The following GPC6 variants were observed in gnomAD, a reference collection of about 807,000 sequenced individuals.
The protein encoded by GPC6 is glypican 6.
GPC6 carries 14 observed loss-of-function variants against 55.2 expected under a neutral mutation model. That is an observed-to-expected ratio of 0.25 (90% confidence interval 0.17 to 0.40). GPC6 has a LOEUF of 0.40. Among genes scored for constraint, GPC6 ranks in the 10% least tolerant of loss-of-function variants. The pLI is 1.00. For missense variants in GPC6, 641 were observed against 708.5 expected, an observed-to-expected ratio of 0.90 and a Z score of 1.08; for synonymous variants, 278 against 259.6, an observed-to-expected ratio of 1.07 and a Z score of -0.68.
At chr13:94,132,554 T>C (rs1463380573) in intron 4 of GPC6, among the ~76,000 whole-genome samples, 4 of 152,206 alleles carry the variant, frequency 2.6e-5, no homozygotes, top group African/African-American at 9.6e-5. Flanking sequence ...CCTCAAGATC[T>C]CTTCCTTGTT....
intron 3 of GPC6, among the ~76,000 whole-genome samples, chr13:93,913,745 G>A (rs776052587): frequency 5.9e-5 from 9 of 152,070 alleles, no homozygotes; most frequent in East Asian, 3.9e-4. Context: ...GTAAAGGAGC[G>A]TGATGGCAAC....
At position 94,049,114 on chromosome 13, in the gene GPC6, G is replaced by A. The variant is rs978591273; in HGVS notation, c.877+21220G>A. ...AAAACAATTTAAAAATCAGCTAAGC[G>A]TGACAGCCTGCATCTGTAATCTCAG... On this transcript the variant is annotated intron_variant, in intron 4 of 8. Coordinates refer to ENST00000377047, the MANE Select transcript of GPC6 (RefSeq NM_005708.5). Among the ~76,000 whole-genome samples, 14 of 152,074 alleles carry A rather than the reference G, an allele frequency of 9.2e-5. No homozygotes were observed. The South Asian group carries it at 1.2e-3, about 14-fold the overall frequency.
intron 2 of GPC6, among the ~76,000 whole-genome samples, chr13:93,680,264 C>T (rs1881799766): frequency 1.3e-5 from 2 of 152,032 alleles, no homozygotes; most frequent in Admixed American, 1.3e-4. Context: ...AGAAGATGGC[C>T]ATCTACAAGC....
At chr13:94,050,793 T>C (rs566288559) in intron 4 of GPC6, among the ~76,000 whole-genome samples, 37 of 152,284 alleles carry the variant, frequency 2.4e-4, no homozygotes, top group African/African-American at 8.7e-4. Flanking sequence ...ACAGCTCTTA[T>C]TACGTTATTA....
chr13:93,581,934 CCTGATGGGTGTTTTTA>C (rs1352069424), intron 2 of GPC6, among the ~76,000 whole-genome samples: 2 of 152,006 alleles, frequency 1.3e-5, no homozygotes, highest in Non-Finnish European at 2.9e-5. Flanking sequence ...TGAAAACCAC[CCTGATGGGTGTTTTTA>C]CATAAGATAT....
At chr13:93,877,435 AT>A (rs1414347480) in intron 3 of GPC6, among the ~76,000 whole-genome samples, 1 of 147,626 alleles carries the variant, frequency 6.8e-6, no homozygotes, top group Non-Finnish European at 1.5e-5. Flanking sequence ...AAAAATAAAC[AT>A]TTTAATTAAA....
intron 2 of GPC6, among the ~76,000 whole-genome samples, chr13:93,600,583 CTGAG>C (rs1415871822): frequency 1.3e-5 from 2 of 152,170 alleles, no homozygotes; most frequent in African/African-American, 2.4e-5. Flanking sequence ...AGAAAGGTCT[CTGAG>C]TGAGTGAGTT....
At chr13:93,567,961 C>G (rs903559923) in intron 2 of GPC6, among the ~76,000 whole-genome samples, 1 of 152,072 alleles carries the variant, frequency 6.6e-6, no homozygotes, top group Admixed American at 6.6e-5. Context: ...CACCATGACC[C>G]AAGAATAGCA....
At chr13:93,507,752 G>A (rs1186992158) in intron 1 of GPC6, among the ~76,000 whole-genome samples, 1 of 152,028 alleles carries the variant, frequency 6.6e-6, no homozygotes, top group African/African-American at 2.4e-5. Flanking sequence ...TTCGAGGTAG[G>A]TGGAAAGTTA....
At chr13:93,316,107 A>G in intron 1 of GPC6, among the ~76,000 whole-genome samples, 1 of 152,014 alleles carries the variant, frequency 6.6e-6, no homozygotes, top group South Asian at 2.1e-4. Context: ...TCTTTTATGC[A>G]TCCATGGTAT....
chr13:93,365,671 C>T (rs1377906744), intron 1 of GPC6, among the ~76,000 whole-genome samples: 1 of 152,002 alleles, frequency 6.6e-6, no homozygotes, highest in Non-Finnish European at 1.5e-5. Flanking sequence ...GCAAATTTAT[C>T]ATAATTATTT....
At chr13:94,148,389 C>A (rs1887631146) in intron 4 of GPC6, among the ~76,000 whole-genome samples, 1 of 152,068 alleles carries the variant, frequency 6.6e-6, no homozygotes, top group South Asian at 2.1e-4. Context: ...AGGAAAAACT[C>A]ATTACAGGAA....
chr13:93,231,923 A>T (rs1394757590), intron 1 of GPC6, among the ~76,000 whole-genome samples: 2 of 152,180 alleles, frequency 1.3e-5, no homozygotes, highest in Admixed American at 6.5e-5. Flanking sequence ...ATATTAATTT[A>T]TCAAGTATTT....
intron 6 of GPC6, among the ~76,000 whole-genome samples, chr13:94,330,937 A>C (rs763996141): frequency 6.6e-6 from 1 of 152,050 alleles, no homozygotes; most frequent in Non-Finnish European, 1.5e-5. Context: ...ACCATATAAG[A>C]CTGTTCTACG....
At position 94,096,120 on chromosome 13, in the gene GPC6, A is replaced by C. The variant is rs140511137; in HGVS notation, c.877+68226A>C. Among the ~76,000 whole-genome samples the C allele has an allele frequency of 2.4e-3, 370 of 152,334 alleles. 4 individuals are homozygous for C. The highest frequency in any genetic ancestry group is 8.7e-3 in the African/African-American group (360 of 41,582). On this transcript the variant is annotated intron_variant, in intron 4 of 8. Coordinates refer to ENST00000377047, the MANE Select transcript of GPC6 (RefSeq NM_005708.5). ...TTCTGGAGCTAAACACAGAAAGATT[A>C]GTTTTAATAGAACAGAAATGTCTTA... is the stretch of plus-strand genomic sequence containing the variant.
intron 3 of GPC6, among the ~76,000 whole-genome samples, chr13:93,872,524 G>A (rs919041977): frequency 2.0e-5 from 3 of 151,930 alleles, no homozygotes; most frequent in East Asian, 2.0e-4. Flanking sequence ...TCAGTGCTGC[G>A]ATTCTTCTTG....
chr13:94,081,623 T>C (rs963670403), intron 4 of GPC6, among the ~76,000 whole-genome samples: 2 of 152,112 alleles, frequency 1.3e-5, no homozygotes, highest in African/African-American at 4.8e-5. Flanking sequence ...GCACTCCATA[T>C]GTAGGCAAAG....
rs1340760865 is a variant in GPC6, at chr13:94,265,979, CA to C, written c.878-20368del. Among the ~76,000 whole-genome samples the C allele has an allele frequency of 2.0e-5, 3 of 152,176 alleles. No homozygotes were observed. The East Asian group carries it at 5.8e-4, about 29-fold the overall frequency. ...TTCATCATAAATCTGCACTAGAGCC[CA>C]ACTGTCTTCTCTAAACCAGGACATG... is the stretch of plus-strand genomic sequence containing the variant. On this transcript the variant is annotated intron_variant, in intron 4 of 8. Coordinates refer to ENST00000377047, the MANE Select transcript of GPC6 (RefSeq NM_005708.5).
rs564282185 is a variant in GPC6, at chr13:93,286,929, C to A, written c.160+59313C>A. Among the ~76,000 whole-genome samples, 37 of 152,168 alleles carry A rather than the reference C, an allele frequency of 2.4e-4. No individual in the cohort carries two copies. In the South Asian group the frequency reaches 7.5e-3, roughly 31 times the overall value. On this transcript the variant is annotated intron_variant, in intron 1 of 8. Transcript: ENST00000377047. Reference sequence around the variant, plus strand: ...AAGCTTTTTGAGTTCCCACATGACACCACAAGTGGAAAATTGTTAGATATA... The same window carrying A: ...AAGCTTTTTGAGTTCCCACATGACAACACAAGTGGAAAATTGTTAGATATA...
Sources: gnomAD v4.1 joint callset for allele counts (sites outside exome capture counted in the v4.1 genomes callset) on GRCh38, gnomAD v4.1.1 for gene constraint, MANE v1.5 for transcripts, NCBI Gene and HGNC (gene_info 2026-07-23, HGNC 2026-07-21) for gene names.